The following PLEKHG1 variants were observed in gnomAD, a reference collection of about 807,000 sequenced individuals.
PLEKHG1 encodes the protein pleckstrin homology domain-containing family G member 1.
Under a neutral mutation model 100.8 loss-of-function variants are expected in PLEKHG1, and 44 were observed. The ratio of observed to expected loss-of-function variants is 0.44; its 90% CI spans 0.34 to 0.56. PLEKHG1 has a LOEUF of 0.56. PLEKHG1 is among the 20% of genes least tolerant of loss of function. The pLI, the probability that PLEKHG1 is intolerant of heterozygous loss-of-function variation, is 0.01. For synonymous variants in PLEKHG1, 640 were observed against 662.5 expected, an observed-to-expected ratio of 0.97 and a Z score of 0.52; for missense variants, 1,545 against 1,720.9, an observed-to-expected ratio of 0.90 and a Z score of 1.81.
chr6:150,667,658 A>T (rs1376993781), intron 3 of PLEKHG1, among the ~76,000 whole-genome samples: 3 of 152,208 alleles, frequency 2.0e-5, no homozygotes, highest in African/African-American at 7.2e-5. Flanking sequence ...ATTTTCCTGC[A>T]TTGAATTTGC....
chr6:150,804,783 T>C, intron 7 of PLEKHG1, 42 bp downstream of exon 8: 1 of 1,598,526 alleles, frequency 6.3e-7, no homozygotes, highest in Non-Finnish European at 8.6e-7. Flanking sequence ...GTTGCAGGTG[T>C]AGTGACTTAC....
chr6:150,711,117 G>T (rs1158494587), intron 3 of PLEKHG1, among the ~76,000 whole-genome samples: 1 of 152,150 alleles, frequency 6.6e-6, no homozygotes, highest in Admixed American at 6.5e-5. Flanking sequence ...TCTTTTTAAC[G>T]TTTTTTAATA....
At chr6:150,617,727 AAGAGAGCCTT>A (rs1271047234) in intron 1 of PLEKHG1, among the ~76,000 whole-genome samples, 1 of 152,236 alleles carries the variant, frequency 6.6e-6, no homozygotes, top group East Asian at 1.9e-4. Flanking sequence ...GAAGCCAGGC[AAGAGAGCCTT>A]CACCAGGGCT....
exon 15 of PLEKHG1, chr6:150,830,994 C>T: frequency 6.2e-7 from 1 of 1,613,986 alleles, no homozygotes; most frequent in South Asian, 1.1e-5. Context: ...AGTGACAGAA[C>T]TAGGGAACTG....
chr6:150,654,891 C>T (rs930832250), intron 3 of PLEKHG1, among the ~76,000 whole-genome samples: 4 of 152,248 alleles, frequency 2.6e-5, no homozygotes, highest in African/African-American at 9.6e-5. Flanking sequence ...TGCCAGAGGA[C>T]AGGGATGGAA....
Position 150,628,087 on chromosome 6 carries a change from A to G in PLEKHG1, c.-203-9993A>G, listed in dbSNP as rs531862288. On this transcript the variant is annotated intron_variant, in intron 1 of 3. Coordinates refer to the PLEKHG1 transcript ENST00000367326. ...GTACAGAATAAATATTGTGAATTCA[A>G]TTATTCTTATATCTGGCATATGGGC... Among the ~76,000 whole-genome samples, 20 of 152,336 alleles carry G rather than the reference A, an allele frequency of 1.3e-4. No individual in the cohort carries two copies. In the South Asian group the frequency reaches 2.9e-3, roughly 22 times the overall value.
chr6:150,828,523 A>G (rs1222204156), intron 14 of PLEKHG1: 4 of 720,860 alleles, frequency 5.5e-6, no homozygotes, highest in East Asian at 2.9e-5. Context: ...TTTGGAAATA[A>G]TCATTGCTGG....
intron 1 of PLEKHG1, among the ~76,000 whole-genome samples, chr6:150,608,546 A>G (rs1776695944): frequency 1.3e-5 from 2 of 152,274 alleles, no homozygotes; most frequent in Admixed American, 1.3e-4. Context: ...TTGGATTACT[A>G]ATATATGCAG....
At chr6:150,789,154 A>G (rs1205055591) in intron 4 of PLEKHG1, among the ~76,000 whole-genome samples, 1 of 152,224 alleles carries the variant, frequency 6.6e-6, no homozygotes, top group Non-Finnish European at 1.5e-5. Context: ...TGAGAGACTT[A>G]GGTGCTTGAT....
intron 3 of PLEKHG1, among the ~76,000 whole-genome samples, chr6:150,704,602 A>T (rs890643623): frequency 6.6e-6 from 1 of 152,252 alleles, no homozygotes; most frequent in South Asian, 2.1e-4. Context: ...CAAAGAGTTC[A>T]GGTACCTTTG....
chr6:150,666,383 T>C (rs1779395206), intron 3 of PLEKHG1, among the ~76,000 whole-genome samples: 1 of 152,170 alleles, frequency 6.6e-6, no homozygotes, highest in African/African-American at 2.4e-5. Flanking sequence ...AGGGTTTCCA[T>C]GGTCTGACCA....
chr6:150,739,223 A>C (rs1782721381), intron 2 of PLEKHG1, among the ~76,000 whole-genome samples: 1 of 152,188 alleles, frequency 6.6e-6, no homozygotes, highest in South Asian at 2.1e-4. Flanking sequence ...GAGATACTAA[A>C]TTAAGCCATA....
At chr6:150,687,182 T>G (rs1307587857) in intron 3 of PLEKHG1, among the ~76,000 whole-genome samples, 1 of 152,234 alleles carries the variant, frequency 6.6e-6, no homozygotes, top group Non-Finnish European at 1.5e-5. Flanking sequence ...ATCAAAGACT[T>G]CAGTAGTCAC....
intron 10 of PLEKHG1, among the ~76,000 whole-genome samples, chr6:150,813,082 G>A (rs546722040): frequency 6.6e-6 from 1 of 152,148 alleles, no homozygotes; most frequent in South Asian, 2.1e-4. Context: ...GAGGCGGGCA[G>A]ATCACGAGGT....
intron 3 of PLEKHG1, among the ~76,000 whole-genome samples, chr6:150,687,641 C>T (rs1426833317): frequency 1.3e-5 from 2 of 152,226 alleles, no homozygotes; most frequent in Non-Finnish European, 2.9e-5. Context: ...GTCTTGCCGA[C>T]GATGGACCCA....
At chr6:150,777,305 GGT>G (rs1298805078) in intron 3 of PLEKHG1, among the ~76,000 whole-genome samples, 1 of 150,446 alleles carries the variant, frequency 6.6e-6, no homozygotes, top group Non-Finnish European at 1.5e-5. Flanking sequence ...ATGCAATCCT[GGT>G]GCACATGTGC....
At chr6:150,750,780 CAAAAAAAA>C (rs1158670858) in intron 2 of PLEKHG1, among the ~76,000 whole-genome samples, 99 of 37,402 alleles carry the variant, frequency 2.6e-3, no homozygotes, top group African/African-American at 9.6e-3. Context: ...GACTCCATCT[CAAAAAAAA>C]AAAAAAAAAA....
intron 7 of PLEKHG1, 143 bp from the exon 9 acceptor site, chr6:150,808,962 A>G (rs939337939): frequency 1.4e-5 from 9 of 635,404 alleles, no homozygotes; most frequent in Non-Finnish European, 2.5e-5. Context: ...GATTTATGTC[A>G]TAGACCATCA....
intron 1 of PLEKHG1, among the ~76,000 whole-genome samples, chr6:150,628,240 A>G (rs1242289327): frequency 6.6e-6 from 1 of 152,206 alleles, no homozygotes. Flanking sequence ...TCCCACTTCC[A>G]GAGCTTTGAA....
Sources: allele counts gnomAD v4.1 joint callset (sites outside exome capture counted in the v4.1 genomes callset), GRCh38; gene constraint gnomAD v4.1.1; transcripts MANE v1.5; gene names NCBI Gene and HGNC (gene_info 2026-07-23, HGNC 2026-07-21).